SNX31: variants seen among roughly 807,000 people sequenced by gnomAD.
SNX31 encodes sorting nexin-31.
In SNX31, 58 loss-of-function variants were observed where a neutral mutation model predicts 65.4. The observed-to-expected ratio is 0.89, with a 90% CI of 0.72 to 1.10. The LOEUF (loss-of-function observed/expected upper bound fraction) is 1.10, where lower values mean the gene tolerates loss of function less well. Among genes scored for constraint, SNX31 ranks in the 50% least tolerant of loss-of-function variants. SNX31 has a pLI of 0.00. For synonymous variants in SNX31, 181 were observed against 190.1 expected (o/e 0.95, Z 0.39); for missense variants, 523 against 529.7 (o/e 0.99, Z 0.12).
chr8:100,630,390 T>A lies in SNX31; in HGVS notation c.258A>T (p.Val86=). The change falls in exon 4 of 14, where the codon GTA becomes GTT. Residue 86 remains valine (V), a splice_region_variant and synonymous_variant. Transcript: ENST00000311812. This position sits in a 1 kb window ranked among gnomAD's most constrained non-coding sequence, Gnocchi z 5.3. ...RDQLEQYLQN[V]TMDPNVLRSD... ...TTCTCAACACGTTTGGGTCCATGGT[T>A]ACTGAAAAACATGGACGGTGAGCCA... The A allele has an allele frequency of 6.2e-7, 1 of 1,611,952 alleles. No individual in the cohort carries two copies. The highest frequency in any genetic ancestry group is 8.5e-7 in the Non-Finnish European group (1 of 1,179,382).
intron 11 of SNX31, among the ~76,000 whole-genome samples, chr8:100,587,155 G>C (rs772213338): frequency 6.6e-6 from 1 of 152,158 alleles, no homozygotes; most frequent in Non-Finnish European, 1.5e-5. Flanking sequence ...CTCTTTGCTA[G>C]ATGCTTGGTT....
At position 100,649,634 on chromosome 8, in the gene SNX31, CCGG is replaced by C; in HGVS notation, c.-123_-121del. ...CCTGCCACGCGACTCAGAGCGAACC[CCGG>C]CGCCCGCTCTCGCCGGCCGGGGACA... On this transcript the variant is annotated 5_prime_UTR_variant, in exon 1 of 14. Coordinates refer to ENST00000311812, the MANE Select transcript of SNX31 (RefSeq NM_152628.4). 1.0e-6 allele frequency: 1 copy of C among 965,092 alleles called. No homozygotes were observed. Among genetic ancestry groups the C allele is most frequent in the African/African-American group, 1.7e-5 (1 of 58,024 alleles). The allele number at this position is 965,092 out of a possible 1,614,324, so 59.8% of individuals were successfully genotyped here.
chr8:100,596,050 T>C (rs1421134874), intron 10 of SNX31, among the ~76,000 whole-genome samples: 1 of 152,164 alleles, frequency 6.6e-6, no homozygotes, highest in Non-Finnish European at 1.5e-5. Context: ...ATTTAACAAG[T>C]GGGTGTCATG....
rs60457437 is a variant in SNX31 at position 100,640,140 on chromosome 8, T to TTTTCTTTTCTTTTC, written c.142-4130_142-4129insGAAAAGAAAAGAAA. Among the ~76,000 whole-genome samples, 332 of 151,958 alleles carry TTTTCTTTTCTTTTC rather than the reference T, an allele frequency of 2.2e-3. 1 individual carries two copies. The highest frequency in any genetic ancestry group is 7.5e-3 in the African/African-American group (309 of 41,368). On this transcript the variant is annotated intron_variant, in intron 2 of 13. Coordinates refer to ENST00000311812, the MANE Select transcript of SNX31 (RefSeq NM_152628.4). ...AATTTCTTTTCTTTTCTTTTCTTTT[T>TTTTCTTTTCTTTTC]TTTGGAGACAGAGTCTTGCTCTTGT...
intron 10 of SNX31, 43 bp downstream of exon 10, chr8:100,596,596 G>C: frequency 6.4e-7 from 1 of 1,557,882 alleles, no homozygotes; most frequent in Non-Finnish European, 8.9e-7. Context: ...AAGGGTACTA[G>C]GATTTTTAAG....
rs2187017 is a variant in SNX31, at chr8:100,635,882, C to A, written c.256+15G>T. 1.1e-5 allele frequency: 18 copies of A among 1,573,742 alleles called. No individual in the cohort carries two copies. In the African/African-American group the frequency reaches 1.5e-4, roughly 13 times the overall value. ...GCAATAAATCTGTTTTTTAAAAAAC[C>A]CTGCAAATACATACCATTTTGCAAA... On this transcript the variant is annotated intron_variant, in intron 3 of 13. Coordinates refer to ENST00000311812, the MANE Select transcript of SNX31 (RefSeq NM_152628.4).
chr8:100,645,117 A>G (rs1819534938), intron 2 of SNX31, among the ~76,000 whole-genome samples: 1 of 152,264 alleles, frequency 6.6e-6, no homozygotes, highest in Admixed American at 6.5e-5. Context: ...CACACATGCT[A>G]AAGTAATAGT....
At chr8:100,607,391 C>T (rs570757215) in intron 8 of SNX31, among the ~76,000 whole-genome samples, 34 of 152,176 alleles carry the variant, frequency 2.2e-4, no homozygotes, top group East Asian at 3.9e-4. Context: ...ATGACTTGGC[C>T]GAAGCTTCAT....
chr8:100,574,658 TG>T (rs928401277), intron 13 of SNX31, among the ~76,000 whole-genome samples: 11 of 145,814 alleles, frequency 7.5e-5, no homozygotes, highest in Non-Finnish European at 1.5e-4. Context: ...GAAGAGGCCG[TG>T]TACAGTGGCT....
intron 2 of SNX31, among the ~76,000 whole-genome samples, chr8:100,637,634 C>T (rs1451109835): frequency 6.6e-6 from 1 of 152,208 alleles, no homozygotes; most frequent in Non-Finnish European, 1.5e-5. Flanking sequence ...AGTCTCTCTG[C>T]TTCTACCCGT....
At chr8:100,642,849 A>C (rs10955234) in intron 2 of SNX31, among the ~76,000 whole-genome samples, 57,879 of 151,956 alleles carry the variant, frequency 0.38, 11,415 homozygotes, top group East Asian at 0.49. Flanking sequence ...GTTTGTTTGG[A>C]GTATTGTGGG....
rs565418336 is a variant in SNX31 at position 100,611,341 on chromosome 8, C to T, written c.611+659G>A. On this transcript the variant is annotated intron_variant, in intron 7 of 13. Transcript: ENST00000311812. ...GCCAGCCATTTCCCACCATTACCTG[C>T]TTTAATCCATGTCCCCTGGCCCCGC... Among the ~76,000 whole-genome samples the T allele has an allele frequency of 1.8e-4, 27 of 152,248 alleles. 1 individual carries two copies. Among genetic ancestry groups the T allele is most frequent in the Non-Finnish European group, 3.5e-4 (24 of 68,000 alleles).
At chr8:100,587,189 G>C (rs73699406) in intron 11 of SNX31, among the ~76,000 whole-genome samples, 118 of 152,316 alleles carry the variant, frequency 7.7e-4, no homozygotes, top group African/African-American at 2.8e-3. Context: ...GCAGCTAGGA[G>C]TGGTCATATG....
chr8:100,639,759 C>T (rs576493184), intron 2 of SNX31, among the ~76,000 whole-genome samples: 1 of 152,152 alleles, frequency 6.6e-6, no homozygotes, highest in South Asian at 2.1e-4. Context: ...TATCTAGTGC[C>T]CAGATCTTAG....
At chr8:100,600,825 G>A (rs1039753867) in intron 8 of SNX31, among the ~76,000 whole-genome samples, 1 of 151,966 alleles carries the variant, frequency 6.6e-6, no homozygotes, top group Non-Finnish European at 1.5e-5. Context: ...TGAAGAAATA[G>A]TCATATATAA....
At chr8:100,620,054 C>T (rs1817571612) in intron 4 of SNX31, 1 of 152,110 alleles carries the variant, frequency 6.6e-6, no homozygotes, top group African/African-American at 2.4e-5. Flanking sequence ...AAAATAATTT[C>T]AACTTTTATT....
chr8:100,594,804 C>A lies in SNX31; in HGVS notation c.978+1835G>T, dbSNP rs952677315. The stretch of plus-strand genomic sequence containing the variant: ...CAATTGCACTTGTGGGCATTTATTC[C>A]AGAAAAATGAAGACTCATGGCCAGG... On this transcript the variant is annotated intron_variant, in intron 10 of 13. Transcript: ENST00000311812. The surrounding 1 kb of genome is among the most constrained non-coding windows in gnomAD (Gnocchi z 4.0). Among the ~76,000 whole-genome samples, 1 of 152,144 alleles carries A rather than the reference C, an allele frequency of 6.6e-6. No individual in the cohort carries two copies. Among genetic ancestry groups the A allele is most frequent in the Non-Finnish European group, 1.5e-5 (1 of 68,026 alleles).
rs1292724401 is a variant in SNX31 at position 100,612,485 on chromosome 8, A to G, written c.524-398T>C. On this transcript the variant is annotated intron_variant, in intron 6 of 13. Coordinates refer to ENST00000311812, the MANE Select transcript of SNX31 (RefSeq NM_152628.4). This position sits in a 1 kb window ranked among gnomAD's most constrained non-coding sequence, Gnocchi z 4.3. ...TTTAATATAACTGATACCATTTTACAAAAAAAAAAAACTTGTAATATCTAG... is the reference window on the plus strand; with the variant it reads ...TTTAATATAACTGATACCATTTTACGAAAAAAAAAAACTTGTAATATCTAG... Among the ~76,000 whole-genome samples the G allele has an allele frequency of 2.3e-5, 1 of 44,102 alleles. No homozygotes were observed. Among genetic ancestry groups the G allele is most frequent in the Non-Finnish European group, 4.4e-5 (1 of 22,730 alleles). The allele number at this position is 44,102 out of a possible 152,430, so 28.9% of individuals were successfully genotyped here.
At chr8:100,656,136 G>A (rs1387537046) in intron 1 of SNX31, among the ~76,000 whole-genome samples, 5 of 152,162 alleles carry the variant, frequency 3.3e-5, no homozygotes, top group African/African-American at 1.2e-4. Context: ...ACATTGCAGA[G>A]GCTAATGTCC....
Sources: allele counts gnomAD v4.1 joint callset (sites outside exome capture counted in the v4.1 genomes callset), GRCh38; gene constraint gnomAD v4.1.1; non-coding constraint Gnocchi (gnomAD v3.1); transcripts MANE v1.5; gene names NCBI Gene and HGNC (gene_info 2026-07-23, HGNC 2026-07-21).